The following UHRF1 variants were observed in gnomAD, a reference collection of about 807,000 sequenced individuals.
UHRF1 encodes ubiquitin like with PHD and ring finger domains 1.
Under a neutral mutation model 96.5 loss-of-function variants are expected in UHRF1, and 9 were observed. That is an observed-to-expected ratio of 0.09 (90% CI 0.06 to 0.16). The LOEUF is 0.16. UHRF1 is among the 10% of genes least tolerant of loss of function. The pLI, the probability that UHRF1 is intolerant of heterozygous loss-of-function variation, is 1.00. For missense variants in UHRF1, 626 were observed against 1,131.1 expected (o/e 0.55, Z 6.40); for synonymous variants, 455 against 469.9 (o/e 0.97, Z 0.41).
rs2033665611 is a variant in UHRF1, at chr19:4,949,674, AAAG to A, written c.1518-934_1518-932del. Among the ~76,000 whole-genome samples, 3 of 152,040 alleles carry A rather than the reference AAAG, an allele frequency of 2.0e-5. No homozygotes were observed. The South Asian group carries it at 6.2e-4, about 32-fold the overall frequency. On this transcript the variant is annotated intron_variant, in intron 11 of 16. Coordinates refer to ENST00000650932, the MANE Select transcript of UHRF1 (RefSeq NM_001048201.3). ...AATTATGAAAAATTAAAATTACAAA[AAAG>A]AATTTCAAAAAAGTTAGCTGGTTAT...
At chr19:4,920,130 A>G (rs1365977366) in intron 2 of UHRF1, among the ~76,000 whole-genome samples, 1 of 152,158 alleles carries the variant, frequency 6.6e-6, no homozygotes, top group East Asian at 1.9e-4. Flanking sequence ...CATTTAAATT[A>G]TTAATGAAGA....
intron 2 of UHRF1, among the ~76,000 whole-genome samples, chr19:4,921,188 C>T (rs1373462458): frequency 6.6e-6 from 1 of 152,010 alleles, no homozygotes; most frequent in Admixed American, 6.6e-5. Context: ...CCCTATAATT[C>T]CAGCACTTCG....
At chr19:4,941,085 G>GTTTTTTTTTTTTTTT (rs869250736) in intron 5 of UHRF1, among the ~76,000 whole-genome samples, 4 of 50,082 alleles carry the variant, frequency 8.0e-5, no homozygotes, top group African/African-American at 9.4e-5. Flanking sequence ...TCTGTGTTTT[G>GTTTTTTTTTTTTTTT]TTTTTTTTTT....
intron 11 of UHRF1, among the ~76,000 whole-genome samples, chr19:4,949,473 GACACACACACACACACAC>G (rs10580944): frequency 2.0e-5 from 3 of 147,742 alleles, no homozygotes; most frequent in African/African-American, 5.0e-5. Context: ...TTGGCACATA[GACACACACACACACACAC>G]ACACACACAC....
chr19:4,908,191 T>G (rs944023133), upstream of UHRF1, among the ~76,000 whole-genome samples: 4 of 152,194 alleles, frequency 2.6e-5, no homozygotes, highest in Non-Finnish European at 5.9e-5. Flanking sequence ...TGCAAAGTCC[T>G]TTTAGCTGTG....
chr19:4,905,743 C>T (rs554238494), upstream of UHRF1, among the ~76,000 whole-genome samples: 67 of 152,170 alleles, frequency 4.4e-4, no homozygotes, highest in South Asian at 0.014. Context: ...GTCTTGATCT[C>T]CTGACCTCAG....
Position 4,945,842 on chromosome 19 carries a change from A to G in UHRF1, c.1306-19A>G. ...AGTCATTGCAGAGGACACCATGTAT[A>G]TCTTGGTGGCATCCTCAGGTCAGCG... On this transcript the variant is annotated intron_variant, in intron 9 of 16. Transcript: ENST00000650932. 1 of 1,588,792 alleles carries G rather than the reference A, an allele frequency of 6.3e-7. No homozygotes were observed.
chr19:4,910,365 C>CCGGCAAGGAGGGGGGGCCGGCAAGGAGG (rs2032214849), intron 1 of UHRF1: 1 of 144,542 alleles, frequency 6.9e-6, no homozygotes, highest in Non-Finnish European at 1.5e-5. Context: ...GGAGGGGGGG[C>CCGGCAAGGAGGGGGGGCCGGCAAGGAGG]GTGGGCACCG....
At chr19:4,924,012 G>A (rs1352430500) in intron 2 of UHRF1, among the ~76,000 whole-genome samples, 3 of 152,170 alleles carry the variant, frequency 2.0e-5, no homozygotes, top group African/African-American at 7.2e-5. Flanking sequence ...TGTCACCCAC[G>A]CTGGAGTGCA....
chr19:4,960,084 C>A (rs1000869566), intron 16 of UHRF1, among the ~76,000 whole-genome samples: 1 of 152,134 alleles, frequency 6.6e-6, no homozygotes, highest in African/African-American at 2.4e-5. Flanking sequence ...AACTCCTGAC[C>A]TCAAGTGATC....
intron 15 of UHRF1, 108 bp from the exon 16 acceptor site, chr19:4,956,601 G>T: frequency 2.7e-6 from 2 of 729,272 alleles, no homozygotes; most frequent in Non-Finnish European, 2.5e-6. Context: ...TGGAGTGAAG[G>T]CTGGGGACAG....
At chr19:4,904,144 C>T (rs1035357058) in intron 1 of UHRF1, among the ~76,000 whole-genome samples, 6 of 151,620 alleles carry the variant, frequency 4.0e-5, no homozygotes, top group African/African-American at 1.5e-4. Context: ...GGCACCTGCC[C>T]CCGTGCCCGG....
At chr19:4,929,902 G>A (rs899860343) in intron 3 of UHRF1, among the ~76,000 whole-genome samples, 3 of 152,282 alleles carry the variant, frequency 2.0e-5, no homozygotes, top group African/African-American at 7.2e-5. Flanking sequence ...CTGGGCTCAA[G>A]TGATCCTCCC....
At chr19:4,959,329 T>TAA (rs544228355) in intron 16 of UHRF1, among the ~76,000 whole-genome samples, 7 of 150,694 alleles carry the variant, frequency 4.6e-5, no homozygotes, top group Admixed American at 4.6e-4. Context: ...GACTCTATCT[T>TAA]AAAAAAAAAC....
rs542133945 is a variant in UHRF1 at position 4,954,019 on chromosome 19, G to T, written c.1819-331G>T. 8.5e-5 allele frequency among the ~76,000 whole-genome samples: 13 copies of T among 152,306 alleles called. 1 individual carries two copies. The South Asian group carries it at 1.9e-3, about 22-fold the overall frequency. ...GTGGGACGATGCAATGTTTCATCAT[G>T]CAGTGTGCGTGATGTGAGGTGGCTG... On this transcript the variant is annotated intron_variant, in intron 13 of 16. Coordinates refer to ENST00000650932, the MANE Select transcript of UHRF1 (RefSeq NM_001048201.3). The surrounding 1 kb of genome is among the most constrained non-coding windows in gnomAD (Gnocchi z 5.9).
intron 13 of UHRF1, among the ~76,000 whole-genome samples, chr19:4,951,391 T>C (rs2033713397): frequency 6.6e-6 from 1 of 152,078 alleles, no homozygotes; most frequent in African/African-American, 2.4e-5. Flanking sequence ...TGCCTGGGCT[T>C]GTGGTGCTCA....
At chr19:4,947,029 A>T (rs2602734) in intron 10 of UHRF1, 76 bp from the exon 11 acceptor site, 3 of 1,064,432 alleles carry the variant, frequency 2.8e-6, no homozygotes, top group Non-Finnish European at 4.2e-6. Flanking sequence ...CATCCTGGGG[A>T]GTTTGCTTTC....
chr19:4,927,380 CAA>C (rs35783129), intron 2 of UHRF1, among the ~76,000 whole-genome samples: 262 of 83,458 alleles, frequency 3.1e-3, no homozygotes, highest in South Asian at 0.017. Context: ...GACTCCATCT[CAA>C]AAAAAAAAAA....
intron 1 of UHRF1, chr19:4,910,634 C>T (rs902825822): frequency 2.0e-5 from 8 of 393,962 alleles, no homozygotes; most frequent in Non-Finnish European, 2.7e-5. Flanking sequence ...TCTTTCAATT[C>T]CCTCTTTTCA....
Sources: gnomAD v4.1 joint callset for allele counts (sites outside exome capture counted in the v4.1 genomes callset) on GRCh38, gnomAD v4.1.1 for gene constraint, Gnocchi (gnomAD v3.1) non-coding constraint, MANE v1.5 for transcripts, NCBI Gene and HGNC (gene_info 2026-07-23, HGNC 2026-07-21) for gene names.